PHF21B: variants seen among roughly 807,000 people sequenced by gnomAD.
The protein encoded by PHF21B is PHD finger protein 4.
Under a neutral mutation model 62.2 loss-of-function variants are expected in PHF21B, and 22 were observed. The observed-to-expected ratio is 0.35, with a 90% CI of 0.25 to 0.51. PHF21B has a LOEUF of 0.51. PHF21B is among the 20% of genes least tolerant of loss of function. PHF21B has a pLI of 0.97. For synonymous variants in PHF21B, 341 were observed against 314.7 expected, an observed-to-expected ratio of 1.08 and a Z score of -0.88; for missense variants, 701 against 707.9, an observed-to-expected ratio of 0.99 and a Z score of 0.11.
rs1286793708 is a variant in PHF21B, at chr22:44,944,729, C to A, written c.121-24239G>T. Among the ~76,000 whole-genome samples, 9 of 152,298 alleles carry A rather than the reference C, an allele frequency of 5.9e-5. No individual in the cohort carries two copies. The South Asian group carries it at 8.3e-4, about 14-fold the overall frequency. ...GTCTGATTCGAGAACATCCCCAGAG[C>A]CAGGAAGAAACAAGCTGACCGAGCT... On this transcript the variant is annotated intron_variant, in intron 2 of 12. Coordinates refer to ENST00000313237, the MANE Select transcript of PHF21B (RefSeq NM_138415.5).
chr22:44,973,112 C>T lies in PHF21B; in HGVS notation c.120+35433G>A, dbSNP rs564382656. On this transcript the variant is annotated intron_variant, in intron 2 of 12. Transcript: ENST00000313237. ...ACTCCCCACCCCCAGTCATCACAGC[C>T]CGGTGGAGTCTGTGTGTCTGTGTTT... is the stretch of plus-strand genomic sequence containing the variant. Among the ~76,000 whole-genome samples, 9 of 152,302 alleles carry T rather than the reference C, an allele frequency of 5.9e-5. No homozygotes were observed. The East Asian group carries it at 1.7e-3, about 29-fold the overall frequency.
At chr22:44,967,070 C>A (rs1003800986) in intron 2 of PHF21B, 2 of 152,250 alleles carry the variant, frequency 1.3e-5, no homozygotes, top group African/African-American at 2.4e-5. Context: ...TGGAGAGCCA[C>A]GTGGAGCTGA....
At chr22:44,972,507 C>G (rs2072659101) in intron 2 of PHF21B, among the ~76,000 whole-genome samples, 1 of 152,172 alleles carries the variant, frequency 6.6e-6, no homozygotes, top group Non-Finnish European at 1.5e-5. Flanking sequence ...AATGAGGAAG[C>G]CGGAAACCGA....
chr22:44,951,169 C>A (rs895235551), intron 2 of PHF21B, among the ~76,000 whole-genome samples: 7 of 152,194 alleles, frequency 4.6e-5, no homozygotes, highest in African/African-American at 1.7e-4. Context: ...GGTCTCTGTG[C>A]AGTCAAACCT....
At chr22:44,930,471 G>T (rs1430095181) in intron 2 of PHF21B, among the ~76,000 whole-genome samples, 1 of 152,128 alleles carries the variant, frequency 6.6e-6, no homozygotes, top group Admixed American at 6.5e-5. Context: ...GAAGCAGGAG[G>T]GGGTGTCTGA....
chr22:44,934,347 AG>A (rs940648813), intron 2 of PHF21B, among the ~76,000 whole-genome samples: 8 of 152,242 alleles, frequency 5.3e-5, no homozygotes, highest in African/African-American at 1.9e-4. Flanking sequence ...ACAGGCACAT[AG>A]AGGAGCGATG....
intron 12 of PHF21B, among the ~76,000 whole-genome samples, chr22:44,885,013 G>A (rs1353747790): frequency 1.3e-5 from 2 of 152,238 alleles, no homozygotes; most frequent in Non-Finnish European, 2.9e-5. Flanking sequence ...CCTGCCAAGG[G>A]GCCTGAGCAG....
rs1020779460 is a variant in PHF21B, at chr22:44,933,342, A to C, written c.121-12852T>G. 9 of 527,812 alleles carry C rather than the reference A, an allele frequency of 1.7e-5. No individual in the cohort carries two copies. The African/African-American group carries it at 1.9e-4, about 11-fold the overall frequency. 32.7% of individuals were successfully genotyped at this position (527,812 alleles called of 1,614,324 possible). A position where few individuals can be genotyped will look rare whatever the true frequency, so the allele number is the denominator to read the frequency against. On this transcript the variant is annotated intron_variant, in intron 2 of 12. Transcript: ENST00000313237. ...GTCAGGCTGGTCTCGAACTCCCGCC[A>C]TCAGGGGATCCGTCCGCCTCGGCCT...
chr22:44,959,457 A>T (rs2072373195), intron 2 of PHF21B, among the ~76,000 whole-genome samples: 1 of 152,114 alleles, frequency 6.6e-6, no homozygotes, highest in African/African-American at 2.4e-5. Context: ...GACAGTAGAC[A>T]CCAGTTCTAG....
intron 2 of PHF21B, among the ~76,000 whole-genome samples, chr22:44,932,295 G>C (rs73426606): frequency 0.09 from 13,767 of 152,222 alleles, 685 homozygotes; most frequent in Middle Eastern, 0.14. Flanking sequence ...TTGAGCCTGA[G>C]GTAAGAGGAA....
Position 44,897,939 on chromosome 22 carries a change from A to G in PHF21B, c.832-1856T>C, listed in dbSNP as rs187132474. Among the ~76,000 whole-genome samples, 214 of 152,086 alleles carry G rather than the reference A, an allele frequency of 1.4e-3. 1 individual carries two copies. Among genetic ancestry groups the G allele is most frequent in the African/African-American group, 4.9e-3 (204 of 41,494 alleles). ...TTCTCCTGCCTCAGCCTCCCAAGTA[A>G]CTGAGACTACAGGTGCACACCACCA... On this transcript the variant is annotated intron_variant, in intron 5 of 12. Transcript: ENST00000313237.
rs2073390012 is a variant in PHF21B at position 45,009,693 on chromosome 22, G to A, written c.-144C>T. On this transcript the variant is annotated 5_prime_UTR_variant, in exon 1 of 13. Transcript: ENST00000313237. This position sits in a 1 kb window ranked among gnomAD's most constrained non-coding sequence, Gnocchi z 5.9. Reference sequence around the variant, plus strand: ...GACACGAGCCCCCTCCCCCACGGCCGAAAGGGAAGGGGGCTGGCGAAGGGG... The same window carrying A: ...GACACGAGCCCCCTCCCCCACGGCCAAAAGGGAAGGGGGCTGGCGAAGGGG... 2.8e-6 allele frequency: 2 copies of A among 726,130 alleles called. No individual in the cohort carries two copies. Among genetic ancestry groups the A allele is most frequent in the East Asian group, 3.4e-5 (1 of 29,460 alleles). The allele number at this position is 726,130 out of a possible 1,614,324, so 45.0% of individuals were successfully genotyped here.
chr22:45,003,440 T>C, intron 2 of PHF21B: 1 of 152,234 alleles, frequency 6.6e-6, no homozygotes, highest in Non-Finnish European at 1.5e-5. Flanking sequence ...TAGGAAGATC[T>C]ACACAAGCAA....
chr22:44,932,072 T>C (rs904953386), intron 2 of PHF21B, among the ~76,000 whole-genome samples: 3 of 152,190 alleles, frequency 2.0e-5, no homozygotes, highest in Non-Finnish European at 4.4e-5. Flanking sequence ...GGTGAGGCCG[T>C]GTCACTCAAC....
At chr22:44,974,613 C>T (rs2072702906) in intron 2 of PHF21B, among the ~76,000 whole-genome samples, 1 of 152,106 alleles carries the variant, frequency 6.6e-6, no homozygotes, top group Non-Finnish European at 1.5e-5. Context: ...GGGTCACTTC[C>T]GGGCCCTCGT....
chr22:44,921,300 A>G (rs902563667), intron 2 of PHF21B, among the ~76,000 whole-genome samples: 3 of 152,218 alleles, frequency 2.0e-5, no homozygotes, highest in South Asian at 2.1e-4. Flanking sequence ...TCACTTGTCT[A>G]AAGTCTCCTT....
intron 2 of PHF21B, among the ~76,000 whole-genome samples, chr22:44,980,936 T>C (rs1450366412): frequency 6.6e-6 from 1 of 152,254 alleles, no homozygotes; most frequent in Non-Finnish European, 1.5e-5. Flanking sequence ...TTGCTGCTAA[T>C]ACATTTAGAC....
intron 2 of PHF21B, among the ~76,000 whole-genome samples, chr22:44,976,905 A>G (rs75404289): frequency 0.019 from 2,830 of 152,328 alleles, 97 homozygotes; most frequent in African/African-American, 0.064. Context: ...TAGGAGGCCC[A>G]GGTGTGAGGA....
chr22:44,918,453 G>C (rs776181685), intron 3 of PHF21B, among the ~76,000 whole-genome samples: 1 of 152,196 alleles, frequency 6.6e-6, no homozygotes, highest in African/African-American at 2.4e-5. Flanking sequence ...ACACCTTCAG[G>C]GGACCTTGGA....
Sources: gnomAD v4.1 joint callset for allele counts (sites outside exome capture counted in the v4.1 genomes callset) on GRCh38, gnomAD v4.1.1 for gene constraint, Gnocchi (gnomAD v3.1) non-coding constraint, MANE v1.5 for transcripts, NCBI Gene and HGNC (gene_info 2026-07-23, HGNC 2026-07-21) for gene names.